GRID2: variants seen among roughly 807,000 people sequenced by gnomAD.
The protein encoded by GRID2 is glutamate receptor ionotropic, delta-2.
Under a neutral mutation model 114.8 loss-of-function variants are expected in GRID2, and 33 were observed. The observed-to-expected ratio is 0.29, with a 90% CI of 0.22 to 0.38. The LOEUF is 0.38. GRID2 is among the 10% of genes least tolerant of loss of function. GRID2 has a pLI of 1.00. For synonymous variants in GRID2, 505 were observed against 449.9 expected (o/e 1.12, Z -1.55); for missense variants, 1,184 against 1,257.7 (o/e 0.94, Z 0.89).
chr4:93,094,589 A>C lies in GRID2; in HGVS notation c.529+9310A>C, dbSNP rs966225630. The stretch of plus-strand genomic sequence containing the variant: ...ACCATAAATAGGTAATATAATTTTA[A>C]TGAAAGGCGACAATCTGAAGGCTGG... On this transcript the variant is annotated intron_variant, in intron 3 of 15. Coordinates refer to ENST00000282020, the MANE Select transcript of GRID2 (RefSeq NM_001510.4). Among the ~76,000 whole-genome samples the C allele has an allele frequency of 1.4e-4, 22 of 152,028 alleles. 1 individual carries two copies. Among genetic ancestry groups the C allele is most frequent in the Admixed American group, 1.4e-3 (21 of 15,204 alleles).
chr4:92,713,676 G>A (rs1453598675), intron 2 of GRID2, among the ~76,000 whole-genome samples: 2 of 151,412 alleles, frequency 1.3e-5, no homozygotes, highest in African/African-American at 4.9e-5. Flanking sequence ...TATGGCAGAA[G>A]GTGAAAGGCA....
At chr4:93,321,992 TAAAC>T (rs894861628) in intron 8 of GRID2, among the ~76,000 whole-genome samples, 2 of 151,866 alleles carry the variant, frequency 1.3e-5, no homozygotes, top group Non-Finnish European at 2.9e-5. Context: ...TATTTTTAAT[TAAAC>T]AATCTTTCTT....
At chr4:93,130,403 C>T (rs1579073143) in intron 4 of GRID2, among the ~76,000 whole-genome samples, 1 of 152,042 alleles carries the variant, frequency 6.6e-6, no homozygotes, top group Non-Finnish European at 1.5e-5. Flanking sequence ...TTCGCACCAC[C>T]ACAGCAATCC....
intron 2 of GRID2, among the ~76,000 whole-genome samples, chr4:92,776,168 G>A (rs562599461): frequency 6.6e-6 from 1 of 152,148 alleles, no homozygotes; most frequent in Non-Finnish European, 1.5e-5. Context: ...TTTGAAATAT[G>A]TTCAGTGCCA....
chr4:92,927,653 A>C (rs1344468702), intron 2 of GRID2, among the ~76,000 whole-genome samples: 1 of 151,812 alleles, frequency 6.6e-6, no homozygotes, highest in Non-Finnish European at 1.5e-5. Context: ...GTTTTTTGCT[A>C]TACAGATTTG....
At chr4:93,375,837 A>G (rs17020516) in intron 8 of GRID2, among the ~76,000 whole-genome samples, 8,694 of 152,300 alleles carry the variant, frequency 0.057, 295 homozygotes, top group Middle Eastern at 0.13. Context: ...ACATTTGGCC[A>G]TCACTAATTA....
chr4:93,036,989 T>C (rs1376335634), intron 2 of GRID2, among the ~76,000 whole-genome samples: 1 of 152,088 alleles, frequency 6.6e-6, no homozygotes. Context: ...AATCTACAGA[T>C]TGTTGGTCCT....
chr4:93,595,076 C>A (rs1738932347), intron 13 of GRID2, among the ~76,000 whole-genome samples: 1 of 152,080 alleles, frequency 6.6e-6, no homozygotes, highest in Admixed American at 6.5e-5. Flanking sequence ...CTTGGCTCCT[C>A]CCTCCACTCC....
chr4:93,321,846 T>C (rs1329988369), intron 8 of GRID2, among the ~76,000 whole-genome samples: 1 of 151,916 alleles, frequency 6.6e-6, no homozygotes, highest in Non-Finnish European at 1.5e-5. Flanking sequence ...TCCCAAACAA[T>C]ACAGGGACCT....
At chr4:92,392,637 A>G (rs577188040) in intron 1 of GRID2, among the ~76,000 whole-genome samples, 2 of 152,218 alleles carry the variant, frequency 1.3e-5, no homozygotes, top group Non-Finnish European at 2.9e-5. Context: ...CCTGTAAAGT[A>G]TTTTCTTATT....
At chr4:93,503,764 C>T (rs1728364451) in intron 12 of GRID2, among the ~76,000 whole-genome samples, 1 of 151,930 alleles carries the variant, frequency 6.6e-6, no homozygotes, top group African/African-American at 2.4e-5. Flanking sequence ...TTCCATGTCC[C>T]TTCAGGCATA....
At chr4:93,613,056 T>A (rs1741141319) in intron 13 of GRID2, among the ~76,000 whole-genome samples, 1 of 132,850 alleles carries the variant, frequency 7.5e-6, no homozygotes, top group African/African-American at 2.8e-5. Flanking sequence ...CTTCATTTCA[T>A]TCATTTCATC....
chr4:92,331,094 A>G (rs111436362), intron 1 of GRID2, among the ~76,000 whole-genome samples: 3 of 152,226 alleles, frequency 2.0e-5, no homozygotes, highest in African/African-American at 7.2e-5. Flanking sequence ...ATTGAGATGT[A>G]TAAAGAATTG....
chr4:92,488,521 C>G (rs368272144), intron 1 of GRID2, among the ~76,000 whole-genome samples: 4 of 152,240 alleles, frequency 2.6e-5, no homozygotes, highest in African/African-American at 9.6e-5. Flanking sequence ...TCTAGACTCT[C>G]ATATGAAGCA....
rs547505650 is a variant in GRID2 at position 93,165,507 on chromosome 4, G to C, written c.736-41897G>C. On this transcript the variant is annotated intron_variant, in intron 4 of 15. Coordinates refer to ENST00000282020, the MANE Select transcript of GRID2 (RefSeq NM_001510.4). ...TGTCTTACAGTAGTGAAACTGGAGA[G>C]AGTAAATGAAAGGAGGGAACTGTTG... Among the ~76,000 whole-genome samples the C allele has an allele frequency of 5.3e-5, 8 of 152,186 alleles. No individual in the cohort carries two copies. The East Asian group carries it at 1.2e-3, about 22-fold the overall frequency.
intron 3 of GRID2, among the ~76,000 whole-genome samples, chr4:93,107,864 A>G (rs946468114): frequency 1.3e-5 from 2 of 152,126 alleles, no homozygotes; most frequent in African/African-American, 4.8e-5. Context: ...TCACATATCC[A>G]GTCATCCACT....
intron 1 of GRID2, among the ~76,000 whole-genome samples, chr4:92,341,528 A>T (rs1300813834): frequency 6.6e-6 from 1 of 152,154 alleles, no homozygotes. Flanking sequence ...GCCACTCAAT[A>T]ATAAATGTGA....
chr4:93,313,958 A>G (rs1372603238), intron 8 of GRID2, among the ~76,000 whole-genome samples: 2 of 152,168 alleles, frequency 1.3e-5, no homozygotes, highest in African/African-American at 4.8e-5. Flanking sequence ...GACTCAAAAT[A>G]TGAGTCCCAC....
chr4:92,371,972 G>C (rs1424948835), intron 1 of GRID2, among the ~76,000 whole-genome samples: 1 of 152,164 alleles, frequency 6.6e-6, no homozygotes, highest in Non-Finnish European at 1.5e-5. Flanking sequence ...GGAAGCATTT[G>C]AAGAGGTCAA....
Sources: allele counts gnomAD v4.1 joint callset (sites outside exome capture counted in the v4.1 genomes callset), GRCh38; gene constraint gnomAD v4.1.1; transcripts MANE v1.5; gene names NCBI Gene and HGNC (gene_info 2026-07-23, HGNC 2026-07-21).